NSUN4: variants seen among roughly 807,000 people sequenced by gnomAD.
NSUN4 encodes the protein 5-cytosine rRNA methyltransferase NSUN4.
Under a neutral mutation model 43.8 loss-of-function variants are expected in NSUN4, and 31 were observed. The observed-to-expected ratio is 0.71, with a 90% CI of 0.53 to 0.96. The LOEUF (loss-of-function observed/expected upper bound fraction) is 0.96, where lower values mean the gene tolerates loss of function less well. Ranked by LOEUF, NSUN4 falls within the 40% of genes least tolerant of loss-of-function variation. The pLI, the probability that NSUN4 is intolerant of heterozygous loss-of-function variation, is 0.00. For synonymous variants in NSUN4, 167 were observed against 184.1 expected (o/e 0.91, Z 0.75); for missense variants, 439 against 475.6 (o/e 0.92, Z 0.72).
intron 4 of NSUN4, among the ~76,000 whole-genome samples, chr1:46,356,488 G>C (rs112326354): frequency 0.26 from 39,272 of 151,740 alleles, 5,383 homozygotes; most frequent in Middle Eastern, 0.3. Context: ...GTCAGGAGAT[G>C]GAGACCATCC....
chr1:46,368,586 C>T (rs568806089), downstream of NSUN4, among the ~76,000 whole-genome samples: 145 of 152,292 alleles, frequency 9.5e-4, no homozygotes, highest in African/African-American at 3.3e-3. Flanking sequence ...TGAGTGACCC[C>T]AGCCAAGACC....
chr1:46,359,698 G>A (rs1300860974), intron 4 of NSUN4, among the ~76,000 whole-genome samples: 2 of 149,960 alleles, frequency 1.3e-5, no homozygotes, highest in African/African-American at 4.9e-5. Context: ...TTACAGGTGT[G>A]TGCCACCATG....
chr1:46,372,031 C>G, the NSUN4 span, among the ~76,000 whole-genome samples: 1 of 152,122 alleles, frequency 6.6e-6, no homozygotes, highest in Non-Finnish European at 1.5e-5. Context: ...CAAACTCTAT[C>G]AGAGTCCTTC....
rs756171599 is a variant in NSUN4 at position 46,345,105 on chromosome 1, C to T, written c.398C>T (p.Thr133Ile). The change falls in exon 2 of 6, where the codon ACT (threonine) becomes ATT (isoleucine). Residue 133 changes from threonine to isoleucine, a missense_variant. Transcript: ENST00000474844. ...TGCAGTCCGAACCTTCGATGCTTCA[C>T]TTTTGACAGAGGGGATATCAGTCGC... ...WACSPNLRCF[T>I]FDRGDISRFP... 6 of 1,613,492 alleles carry T rather than the reference C, an allele frequency of 3.7e-6. No homozygotes were observed. Among genetic ancestry groups the T allele is most frequent in the Non-Finnish European group, 5.1e-6 (6 of 1,179,762 alleles).
the NSUN4 span, among the ~76,000 whole-genome samples, chr1:46,372,859 A>C: frequency 6.6e-6 from 1 of 152,170 alleles, no homozygotes; most frequent in Admixed American, 6.6e-5. Context: ...AGTAGCTGGG[A>C]CTTCAGGCAC....
chr1:46,370,003 C>T (rs1557748832), downstream of NSUN4, among the ~76,000 whole-genome samples: 1 of 152,186 alleles, frequency 6.6e-6, no homozygotes, highest in Non-Finnish European at 1.5e-5. Context: ...TAAGTTTACT[C>T]AGCCTTATCT....
At position 46,346,851 on chromosome 1, in the gene NSUN4, TTGG is replaced by T. The variant is rs1389707303; in HGVS notation, c.438-66_438-64del. On this transcript the variant is annotated intron_variant, in intron 2 of 5. Transcript: ENST00000474844. Reference sequence around the variant, plus strand: ...AGCTCAAGCCCCAGAGGGCATAGACTTGGTGGCCTAGACTCCCAGTGGGTGTCC... The same window carrying T: ...AGCTCAAGCCCCAGAGGGCATAGACTTGGCCTAGACTCCCAGTGGGTGTCC... 6.7e-6 allele frequency: 9 copies of T among 1,347,118 alleles called. No homozygotes were observed. In the Admixed American group the frequency reaches 9.6e-5, roughly 14 times the overall value. 83.4% of individuals were successfully genotyped at this position (1,347,118 alleles called of 1,614,324 possible). A position where few individuals can be genotyped will look rare whatever the true frequency, so the allele number is the denominator to read the frequency against.
chr1:46,353,838 C>T (rs146446284), intron 4 of NSUN4, among the ~76,000 whole-genome samples: 330 of 152,022 alleles, frequency 2.2e-3, no homozygotes, highest in Non-Finnish European at 3.6e-3. Context: ...AATAATGTGT[C>T]CTGGGGTTAA....
rs753468592 is a variant in NSUN4, at chr1:46,361,648, T to G, written c.957T>G (p.Tyr319Ter). 2 of 1,614,184 alleles carry G rather than the reference T, an allele frequency of 1.2e-6. No homozygotes were observed. Among genetic ancestry groups the G allele is most frequent in the Non-Finnish European group, 1.7e-6 (2 of 1,180,012 alleles). Reference sequence around the variant, plus strand: ...CACTCTCACACTTACAGAACGAGTATGTGGTGCAAGGTGCCATTGAGCTCC... The same window carrying G: ...CACTCTCACACTTACAGAACGAGTAGGTGGTGCAAGGTGCCATTGAGCTCC... The part of the protein sequence containing the change: ...TCSLSHLQNE[Y>*]VVQGAIELLA... The change falls in exon 6 of 6, where the codon TAT becomes TAG. Residue 319 changes from tyrosine to a stop codon, truncating the protein, a stop_gained. Transcript: ENST00000474844. LOFTEE classifies it high-confidence loss of function.
intron 4 of NSUN4, among the ~76,000 whole-genome samples, chr1:46,357,788 A>G (rs923350117): frequency 6.6e-6 from 1 of 151,930 alleles, no homozygotes; most frequent in African/African-American, 2.4e-5. Context: ...TTTTAGGTGT[A>G]TCTCTTATAT....
At chr1:46,349,232 C>T (rs544298145) in intron 3 of NSUN4, among the ~76,000 whole-genome samples, 12 of 151,136 alleles carry the variant, frequency 7.9e-5, no homozygotes, top group East Asian at 3.9e-4. Context: ...CTCCGCCTCC[C>T]GGGTTCATGC....
intron 4 of NSUN4, among the ~76,000 whole-genome samples, chr1:46,355,537 G>A (rs1663300522): frequency 6.6e-6 from 1 of 152,042 alleles, no homozygotes; most frequent in Non-Finnish European, 1.5e-5. Context: ...AATGCATTTG[G>A]CACAATGTCT....
rs1316955417 is a variant in NSUN4 at position 46,340,871 on chromosome 1, T to TGGACTTCGCGACG, written c.46_47insGACTTCGCGACGG (p.Val16GlyfsTer17). 3.1e-6 allele frequency: 5 copies of TGGACTTCGCGACG among 1,613,624 alleles called. No homozygotes were observed. The highest frequency in any genetic ancestry group is 4.2e-6 in the Non-Finnish European group (5 of 1,179,802). ...GGGGTGTCCGGGAGCTGCTGAAGCGTGTGGACCTCGCGACGGTCCCGCGGA... is the reference window on the plus strand; with the variant it reads ...GGGGTGTCCGGGAGCTGCTGAAGCGTGGACTTCGCGACGGTGGACCTCGCGACGGTCCCGCGGA... On this transcript the variant is annotated frameshift_variant, in exon 1 of 6. Transcript: ENST00000474844. LOFTEE classifies it high-confidence loss of function.
the NSUN4 span, among the ~76,000 whole-genome samples, chr1:46,371,645 T>C: frequency 6.6e-6 from 1 of 152,182 alleles, no homozygotes; most frequent in Non-Finnish European, 1.5e-5. Flanking sequence ...TTTCACCATG[T>C]TGGTCAGGCT....
intron 1 of NSUN4, chr1:46,341,621 T>C: frequency 8.2e-7 from 1 of 1,218,452 alleles, no homozygotes. Context: ...CCCAGCCGAT[T>C]CCCTCGCCAC....
chr1:46,348,089 C>T (rs777435089), intron 3 of NSUN4, among the ~76,000 whole-genome samples: 1 of 152,078 alleles, frequency 6.6e-6, no homozygotes, highest in Non-Finnish European at 1.5e-5. Flanking sequence ...ACCCTGTTAG[C>T]CAGGATGGTC....
the NSUN4 span, among the ~76,000 whole-genome samples, chr1:46,374,772 A>G: frequency 1.3e-5 from 2 of 151,996 alleles, no homozygotes; most frequent in Admixed American, 6.6e-5. Context: ...GATGAGGTGG[A>G]AGGATTGCTT....
chr1:46,382,651 GAGTGC>G, the NSUN4 span, among the ~76,000 whole-genome samples: 2 of 149,788 alleles, frequency 1.3e-5, no homozygotes, highest in South Asian at 4.2e-4. Flanking sequence ...GCCCAGGCTG[GAGTGC>G]AGTGGCATGA....
At chr1:46,384,695 A>C in the NSUN4 span, among the ~76,000 whole-genome samples, 2 of 152,140 alleles carry the variant, frequency 1.3e-5, no homozygotes, top group African/African-American at 4.8e-5. Flanking sequence ...CATGATTCTG[A>C]TGATAATGGC....
Sources: gnomAD v4.1 joint callset for allele counts (sites outside exome capture counted in the v4.1 genomes callset) on GRCh38, gnomAD v4.1.1 for gene constraint, MANE v1.5 for transcripts, NCBI Gene and HGNC (gene_info 2026-07-23, HGNC 2026-07-21) for gene names.